Variants in PLEKHA7 observed in about 807,000 individuals in gnomAD.
PLEKHA7 encodes the protein pleckstrin homology domain-containing family A member 7.
A neutral mutation model predicts 170.0 loss-of-function variants in PLEKHA7; 104 were observed. The ratio of observed to expected loss-of-function variants is 0.61; its 90% CI spans 0.52 to 0.72. The LOEUF (loss-of-function observed/expected upper bound fraction) is 0.72. Ranked by LOEUF, PLEKHA7 falls within the 30% of genes least tolerant of loss-of-function variation. PLEKHA7 has a pLI of 0.00. For synonymous variants in PLEKHA7, 648 were observed against 660.8 expected, an observed-to-expected ratio of 0.98 and a Z score of 0.30; for missense variants, 1,615 against 1,671.7, an observed-to-expected ratio of 0.97 and a Z score of 0.59.
chr11:16,804,845 T>C (rs1174627444), intron 13 of PLEKHA7, among the ~76,000 whole-genome samples: 2 of 152,008 alleles, frequency 1.3e-5, no homozygotes, highest in Non-Finnish European at 2.9e-5. Flanking sequence ...AACACAAGAC[T>C]GCAACAATCC....
At chr11:16,856,892 T>C (rs548056602) in intron 4 of PLEKHA7, among the ~76,000 whole-genome samples, 18 of 152,242 alleles carry the variant, frequency 1.2e-4, no homozygotes, top group Admixed American at 2.6e-4. Flanking sequence ...ATCCAGGTCA[T>C]TGGAGACCAA....
rs1175932488 is a variant in PLEKHA7 at position 16,794,566 on chromosome 11, C to A, written c.2667G>T (p.Val889=). The A allele has an allele frequency of 3.1e-6, 5 of 1,613,402 alleles. No homozygotes were observed. In the Admixed American group the frequency reaches 8.3e-5, roughly 27 times the overall value. ...VRLFPQLQTY[V]PYRPHPPQLR... ...GCTGGGGTGGGTGAGGTCGGTACGGCACGTAGGTTTGCAGCTGGGGGAAGA... is the reference window on the plus strand; with the variant it reads ...GCTGGGGTGGGTGAGGTCGGTACGGAACGTAGGTTTGCAGCTGGGGGAAGA... The change falls in exon 19 of 27, where the codon GTG becomes GTT. Residue 889 remains valine, a synonymous_variant. Transcript: ENST00000531066.
intron 10 of PLEKHA7, among the ~76,000 whole-genome samples, chr11:16,824,505 T>G (rs1295229936): frequency 6.6e-6 from 1 of 152,258 alleles, no homozygotes; most frequent in African/African-American, 2.4e-5. Context: ...AAAGATCTCA[T>G]GTACCCACAA....
chr11:16,960,559 C>T (rs957195778), intron 3 of PLEKHA7, among the ~76,000 whole-genome samples: 7 of 152,110 alleles, frequency 4.6e-5, no homozygotes, highest in African/African-American at 1.7e-4. Flanking sequence ...AGGCCCTTCC[C>T]TCATCTGTGA....
At chr11:16,898,279 A>C (rs1857119807) in intron 3 of PLEKHA7, among the ~76,000 whole-genome samples, 1 of 152,192 alleles carries the variant, frequency 6.6e-6, no homozygotes, top group Non-Finnish European at 1.5e-5. Flanking sequence ...CAATTTTCTG[A>C]CTATGATTGA....
At position 16,816,264 on chromosome 11, in the gene PLEKHA7, T is replaced by A; in HGVS notation, c.1867A>T (p.Asn623Tyr). ...GAGCGTCGGTCCACATGAGATGAGT[T>A]CTGCAAGTGGGGAGACAAGAAGTCA... ...PRRARGHAVK[N>Y]SSHVDRRSMP... Residue 623 changes from asparagine (N) to tyrosine (Y), a missense_variant and splice_region_variant, in exon 12 of 27, where the codon AAC (asparagine) becomes TAC (tyrosine). Coordinates refer to ENST00000531066, the MANE Select transcript of PLEKHA7 (RefSeq NM_001329630.2). 2 of 1,611,568 alleles carry A rather than the reference T, an allele frequency of 1.2e-6. No homozygotes were observed. Among genetic ancestry groups the A allele is most frequent in the African/African-American group, 1.3e-5 (1 of 74,898 alleles).
In PLEKHA7 at chr11:16,782,809, G is replaced by T. The variant is rs780638996; in HGVS notation, c.3738C>A (p.Ile1246=). 2.6e-6 allele frequency: 4 copies of T among 1,536,192 alleles called. No homozygotes were observed. Among genetic ancestry groups the T allele is most frequent in the Non-Finnish European group, 3.5e-6 (4 of 1,146,914 alleles). The change falls in exon 26 of 27, where the codon ATC becomes ATA. Residue 1246 remains isoleucine, a synonymous_variant. Transcript: ENST00000531066. ...CGGAGGCCAGGGCGTAGGAGATGTT[G>T]ATGATGCGCTCCTGCTCCTGCAGCT... ...DLQLQEQERI[I]NISYALASEA...
chr11:16,814,514 G>A (rs909962759), intron 12 of PLEKHA7, among the ~76,000 whole-genome samples: 120 of 152,138 alleles, frequency 7.9e-4, no homozygotes, highest in African/African-American at 2.3e-3. Context: ...CAAGATACCC[G>A]GGAGGGCAGC....
intron 3 of PLEKHA7, among the ~76,000 whole-genome samples, chr11:16,881,945 C>G (rs1855746071): frequency 6.6e-6 from 1 of 152,170 alleles, no homozygotes; most frequent in South Asian, 2.1e-4. Flanking sequence ...ACTCCCAGAA[C>G]AGGTCTGAAA....
chr11:16,845,790 G>A (rs1852352162), intron 8 of PLEKHA7, among the ~76,000 whole-genome samples: 1 of 152,178 alleles, frequency 6.6e-6, no homozygotes, highest in South Asian at 2.1e-4. Flanking sequence ...GGGTCAGGAG[G>A]CTACTACAGG....
intron 15 of PLEKHA7, among the ~76,000 whole-genome samples, 172 bp from the exon 16 acceptor site, chr11:16,801,989 T>A (rs1460502527): frequency 6.6e-6 from 1 of 151,872 alleles, no homozygotes; most frequent in African/African-American, 2.4e-5. Flanking sequence ...GTCTAGGGAG[T>A]AGGCTGGGGA....
intron 4 of PLEKHA7, among the ~76,000 whole-genome samples, chr11:16,860,190 G>A (rs1372964816): frequency 6.6e-6 from 1 of 152,214 alleles, no homozygotes; most frequent in East Asian, 1.9e-4. Context: ...AAGGATGTGT[G>A]AAGTGAGCCT....
chr11:16,881,579 A>ACCAGGCAAGCACTTCATGTCT (rs1855717474), intron 3 of PLEKHA7: 1 of 152,172 alleles, frequency 6.6e-6, no homozygotes, highest in Non-Finnish European at 1.5e-5. Flanking sequence ...GAGGTAATCA[A>ACCAGGCAAGCACTTCATGTCT]CCAGGCAAGC....
At chr11:16,947,788 T>C (rs971113422) in intron 3 of PLEKHA7, among the ~76,000 whole-genome samples, 6 of 150,730 alleles carry the variant, frequency 4.0e-5, no homozygotes, top group Non-Finnish European at 8.9e-5. Flanking sequence ...TGGTGGCGCA[T>C]GCCTGTATTC....
At chr11:16,803,849 C>T (rs1848769456) in intron 13 of PLEKHA7, among the ~76,000 whole-genome samples, 1 of 152,134 alleles carries the variant, frequency 6.6e-6, no homozygotes, top group African/African-American at 2.4e-5. Context: ...GAAGACCTGG[C>T]CAAGGTAAAA....
intron 9 of PLEKHA7, among the ~76,000 whole-genome samples, chr11:16,838,449 G>T (rs1388300108): frequency 1.3e-5 from 2 of 151,254 alleles, no homozygotes; most frequent in Non-Finnish European, 2.9e-5. Flanking sequence ...GGAGTTCGAG[G>T]CTGCAGTGAA....
intron 4 of PLEKHA7, 51 bp from the exon 5 acceptor site, chr11:16,855,965 G>T (rs185542800): frequency 2.5e-5 from 36 of 1,439,032 alleles, no homozygotes; most frequent in Non-Finnish European, 3.3e-5. Flanking sequence ...TATAGAGTAG[G>T]AAGTGCAGTA....
rs565389079 is a variant in PLEKHA7, at chr11:17,013,872, C to T, written c.221+117G>A. Reference sequence around the variant, plus strand: ...AACGTTGAGTGTGGCCGCGGCGCAGCGCGCGCCAACGAGCCCGGGCCGGCG... The same window carrying T: ...AACGTTGAGTGTGGCCGCGGCGCAGTGCGCGCCAACGAGCCCGGGCCGGCG... On this transcript the variant is annotated intron_variant, in intron 3 of 26. Coordinates refer to ENST00000531066, the MANE Select transcript of PLEKHA7 (RefSeq NM_001329630.2). 462 of 1,185,494 alleles carry T rather than the reference C, an allele frequency of 3.9e-4. No individual in the cohort carries two copies. In the African/African-American group the frequency reaches 6.8e-3, roughly 17 times the overall value. The allele number at this position is 1,185,494 out of a possible 1,614,324, so 73.4% of individuals were successfully genotyped here. A position where few individuals can be genotyped will look rare whatever the true frequency, so the allele number is the denominator to read the frequency against.
chr11:16,814,430 C>G (rs533115944), intron 12 of PLEKHA7, among the ~76,000 whole-genome samples: 20 of 152,290 alleles, frequency 1.3e-4, no homozygotes, highest in African/African-American at 4.3e-4. Flanking sequence ...CCTGGAGGAC[C>G]AGCCTCGTTG....
Sources: allele counts gnomAD v4.1 joint callset (sites outside exome capture counted in the v4.1 genomes callset), GRCh38; gene constraint gnomAD v4.1.1; transcripts MANE v1.5; gene names NCBI Gene and HGNC (gene_info 2026-07-23, HGNC 2026-07-21).